The following LRRTM4 variants were observed in gnomAD, a reference collection of about 807,000 sequenced individuals.
The protein encoded by LRRTM4 is leucine-rich repeat transmembrane neuronal protein 4.
In LRRTM4, 25 loss-of-function variants were observed where a neutral mutation model predicts 47.6. That is an observed-to-expected ratio of 0.53 (90% CI 0.38 to 0.73). LRRTM4 has a LOEUF of 0.73. Among genes scored for constraint, LRRTM4 ranks in the 30% least tolerant of loss-of-function variants. The pLI, the probability that LRRTM4 is intolerant of heterozygous loss-of-function variation, is 0.00. For missense variants in LRRTM4, 638 were observed against 713.4 expected (o/e 0.89, Z 1.20); for synonymous variants, 311 against 269.5 (o/e 1.15, Z -1.51).
intron 3 of LRRTM4, among the ~76,000 whole-genome samples, chr2:76,804,631 A>G (rs921458724): frequency 3.4e-5 from 5 of 146,008 alleles, no homozygotes; most frequent in East Asian, 3.9e-4. Flanking sequence ...AGTATCTTGT[A>G]CATATATATA....
intron 3 of LRRTM4, among the ~76,000 whole-genome samples, chr2:76,885,898 CAT>C (rs1318379119): frequency 6.6e-6 from 1 of 151,950 alleles, no homozygotes; most frequent in African/African-American, 2.4e-5. Context: ...AAAAAAAAGA[CAT>C]GAATCTTTTC....
intron 3 of LRRTM4, among the ~76,000 whole-genome samples, chr2:77,212,934 G>A (rs1053407628): frequency 6.6e-6 from 1 of 152,010 alleles, no homozygotes; most frequent in Non-Finnish European, 1.5e-5. Flanking sequence ...TTATTTCTTT[G>A]TACCCACTGA....
chr2:77,504,910 T>C (rs1451696864), intron 3 of LRRTM4, among the ~76,000 whole-genome samples: 1 of 151,468 alleles, frequency 6.6e-6, no homozygotes, highest in Non-Finnish European at 1.5e-5. Flanking sequence ...ATAAAATTTA[T>C]AATTTTTTCT....
intron 3 of LRRTM4, among the ~76,000 whole-genome samples, chr2:76,907,774 T>A (rs1310052225): frequency 7.8e-6 from 1 of 128,936 alleles, no homozygotes; most frequent in African/African-American, 3.3e-5. Context: ...ACACATACAC[T>A]CTCCCAAGAC....
intron 3 of LRRTM4, among the ~76,000 whole-genome samples, chr2:77,039,868 A>G (rs1374669814): frequency 1.3e-5 from 2 of 151,178 alleles, no homozygotes; most frequent in African/African-American, 4.8e-5. Context: ...TTTTAATAGA[A>G]TAATATTGCA....
At chr2:76,863,609 A>T (rs1310586362) in intron 3 of LRRTM4, among the ~76,000 whole-genome samples, 2 of 152,150 alleles carry the variant, frequency 1.3e-5, no homozygotes, top group Non-Finnish European at 2.9e-5. Context: ...CAAGTAGAAG[A>T]GTTTCATATT....
intron 3 of LRRTM4, among the ~76,000 whole-genome samples, chr2:77,203,547 G>C (rs1157158015): frequency 6.6e-6 from 1 of 152,146 alleles, no homozygotes; most frequent in Non-Finnish European, 1.5e-5. Context: ...CTGCTACTGT[G>C]AAGGTAAAAA....
At chr2:77,083,734 C>T (rs1370677896) in intron 3 of LRRTM4, among the ~76,000 whole-genome samples, 1 of 122,162 alleles carries the variant, frequency 8.2e-6, no homozygotes, top group Non-Finnish European at 1.7e-5. Context: ...AGTAATGATT[C>T]TTCCTTTCTT....
chr2:76,829,504 C>G (rs1170631152), intron 3 of LRRTM4, among the ~76,000 whole-genome samples: 1 of 149,754 alleles, frequency 6.7e-6, no homozygotes, highest in Non-Finnish European at 1.5e-5. Flanking sequence ...TGCACCACAT[C>G]TAATCTCTAA....
chr2:77,414,858 G>A (rs1674578668), intron 3 of LRRTM4, among the ~76,000 whole-genome samples: 1 of 152,142 alleles, frequency 6.6e-6, no homozygotes, highest in Admixed American at 6.6e-5. Flanking sequence ...GAGCTTCCTG[G>A]CTGGAAAATC....
At chr2:76,825,084 C>T (rs1403461473) in intron 3 of LRRTM4, among the ~76,000 whole-genome samples, 2 of 151,512 alleles carry the variant, frequency 1.3e-5, no homozygotes, top group Non-Finnish European at 1.5e-5. Context: ...AGAGCTCAGT[C>T]TCATAGTTCA....
At chr2:77,112,126 G>A (rs1671268714) in intron 3 of LRRTM4, among the ~76,000 whole-genome samples, 1 of 152,206 alleles carries the variant, frequency 6.6e-6, no homozygotes, top group Admixed American at 6.5e-5. Flanking sequence ...GGGAAATCTG[G>A]GGCTATTTCT....
chr2:77,213,399 T>C (rs1456361905), intron 3 of LRRTM4, among the ~76,000 whole-genome samples: 1 of 152,090 alleles, frequency 6.6e-6, no homozygotes, highest in Non-Finnish European at 1.5e-5. Context: ...CTATGGGCCT[T>C]AGATTCCTCA....
At chr2:77,300,260 C>T (rs1383680411) in intron 3 of LRRTM4, among the ~76,000 whole-genome samples, 2 of 152,142 alleles carry the variant, frequency 1.3e-5, no homozygotes, top group African/African-American at 4.8e-5. Context: ...GAAGTGATTA[C>T]TCACCATTTT....
At chr2:77,049,615 T>C (rs774665209) in intron 3 of LRRTM4, among the ~76,000 whole-genome samples, 1 of 151,388 alleles carries the variant, frequency 6.6e-6, no homozygotes, top group Non-Finnish European at 1.5e-5. Flanking sequence ...CCTCTCACCT[T>C]ATTTGCCCAT....
At chr2:77,326,690 T>C (rs1670788765) in intron 3 of LRRTM4, among the ~76,000 whole-genome samples, 1 of 152,198 alleles carries the variant, frequency 6.6e-6, no homozygotes, top group South Asian at 2.1e-4. Flanking sequence ...AGGACTGTAC[T>C]CTGCCTCACC....
intron 3 of LRRTM4, among the ~76,000 whole-genome samples, chr2:77,167,389 T>C (rs1455882089): frequency 2.0e-5 from 3 of 152,174 alleles, no homozygotes; most frequent in Non-Finnish European, 4.4e-5. Flanking sequence ...TGGAAGACAG[T>C]GTGGAGATTC....
At chr2:77,309,749 A>C (rs1677399662) in intron 3 of LRRTM4, among the ~76,000 whole-genome samples, 1 of 152,214 alleles carries the variant, frequency 6.6e-6, no homozygotes, top group South Asian at 2.1e-4. Context: ...AAAGGCTAAA[A>C]GCACGAGAAA....
chr2:77,318,953 T>G (rs932215548), intron 3 of LRRTM4, among the ~76,000 whole-genome samples: 2 of 152,146 alleles, frequency 1.3e-5, no homozygotes, highest in Non-Finnish European at 2.9e-5. Context: ...TGCAATTTAT[T>G]TTTTTCAACT....
Sources: gnomAD v4.1 joint callset for allele counts (sites outside exome capture counted in the v4.1 genomes callset) on GRCh38, gnomAD v4.1.1 for gene constraint, MANE v1.5 for transcripts, NCBI Gene and HGNC (gene_info 2026-07-23, HGNC 2026-07-21) for gene names.